CRY2: variants seen among roughly 807,000 people sequenced by gnomAD.
CRY2 encodes the protein cryptochrome circadian regulator 2, also known as cryptochrome-2.
Under a neutral mutation model 69.5 loss-of-function variants are expected in CRY2, and 31 were observed. The ratio of observed to expected loss-of-function variants is 0.45; its 90% CI spans 0.34 to 0.60. CRY2 has a LOEUF of 0.60. Ranked by LOEUF, CRY2 falls within the 20% of genes least tolerant of loss-of-function variation. The probability of loss-of-function intolerance (pLI) is 0.02; values close to 1 mark genes in which losing one functional copy is unlikely to be tolerated. For missense variants in CRY2, 606 were observed against 797.8 expected, an observed-to-expected ratio of 0.76 and a Z score of 2.90; for synonymous variants, 303 against 312.2, an observed-to-expected ratio of 0.97 and a Z score of 0.31.
At chr11:45,858,559 C>G (rs1401417) in intron 2 of CRY2, among the ~76,000 whole-genome samples, 172 bp from the exon 3 acceptor site, 29,374 of 152,246 alleles carry the variant, frequency 0.19, 3,126 homozygotes, top group Non-Finnish European at 0.24. Flanking sequence ...CTCAAACTTT[C>G]TGAACCTCAG....
At chr11:45,861,998 C>A in intron 4 of CRY2, 62 bp from the exon 5 acceptor site, 1 of 1,378,584 alleles carries the variant, frequency 7.3e-7, no homozygotes, top group Non-Finnish European at 1.0e-6. Flanking sequence ...AACAGAACAG[C>A]CGTGCCGGGC....
In CRY2 at chr11:45,869,801, G is replaced by A; in HGVS notation, c.1178G>A (p.Trp393Ter). 6.2e-7 allele frequency: 1 copy of A among 1,608,218 alleles called. No homozygotes were observed. The highest frequency in any genetic ancestry group is 8.5e-7 in the Non-Finnish European group (1 of 1,175,776). The change falls in exon 7 of 12, where the codon TGG becomes TAG. Residue 393 changes from tryptophan (W) to a stop codon, truncating the protein, a stop_gained. Transcript: ENST00000616080. LOFTEE classifies it high-confidence loss of function. The stretch of plus-strand genomic sequence containing the variant: ...ACCCGCGGGGACCTCTGGGTCAGCT[G>A]GGAGAGCGGGGTCCGGGTGAGTGCT... The part of the protein sequence containing the change: ...FLTRGDLWVS[W>*]ESGVRVFDEL...
At chr11:45,859,714 G>T (rs1225036748) in intron 3 of CRY2, among the ~76,000 whole-genome samples, 1 of 152,110 alleles carries the variant, frequency 6.6e-6, no homozygotes, top group Non-Finnish European at 1.5e-5. Context: ...TGCTTTCAGA[G>T]ATTCTAGGAG....
rs2086366264 is a variant in CRY2 at position 45,870,195 on chromosome 11, A to T, written c.1337A>T (p.Asp446Val). The T allele has an allele frequency of 6.2e-7, 1 of 1,612,362 alleles. No homozygotes were observed. Among genetic ancestry groups the T allele is most frequent in the African/African-American group, 1.3e-5 (1 of 74,910 alleles). Reference sequence around the variant, plus strand: ...GGCCGTCGCACGGACCCCAGTGGGGACTACATCAGGTGAGGATACAGACCA... The same window carrying T: ...GGCCGTCGCACGGACCCCAGTGGGGTCTACATCAGGTGAGGATACAGACCA... ...GFGRRTDPSGDYIRRYLPKLK... is the reference protein window; with the variant it reads ...GFGRRTDPSGVYIRRYLPKLK... Residue 446 changes from aspartate to valine, a missense_variant, in exon 8 of 12, where the codon GAC becomes GTC. Transcript: ENST00000616080.
Position 45,870,870 on chromosome 11 carries a change from G to T in CRY2, c.1578G>T (p.Val526=). ...TACTGGCATCTGTCCCTTCCTGTGT[G>T]GAAGACCTCAGTCACCCTGTGGCAG... is the stretch of plus-strand genomic sequence containing the variant. The part of the protein sequence containing the change: ...LCLLASVPSC[V]EDLSHPVAEP... The change falls in exon 10 of 12, where the codon GTG becomes GTT. Residue 526 remains valine, a synonymous_variant. Coordinates refer to ENST00000616080, the MANE Select transcript of CRY2 (RefSeq NM_021117.5). 6.2e-7 allele frequency: 1 copy of T among 1,613,588 alleles called. No homozygotes were observed.
At chr11:45,878,241 C>T (rs1220546994) in intron 11 of CRY2, among the ~76,000 whole-genome samples, 1 of 152,162 alleles carries the variant, frequency 6.6e-6, no homozygotes. Flanking sequence ...ATGGACTGCA[C>T]CAAAGCCTAT....
At chr11:45,872,003 C>T (rs2134646950) in intron 10 of CRY2, 89 bp from the exon 11 acceptor site, 4 of 1,534,128 alleles carry the variant, frequency 2.6e-6, no homozygotes, top group East Asian at 2.3e-5. Context: ...AGTGTGCTCC[C>T]TGTCCCCTAA....
intron 5 of CRY2, among the ~76,000 whole-genome samples, chr11:45,865,532 C>G (rs2086324243): frequency 6.6e-6 from 1 of 152,166 alleles, no homozygotes; most frequent in Non-Finnish European, 1.5e-5. Context: ...ACAGGGGTTA[C>G]CTGCAGAGGA....
In CRY2 at chr11:45,847,508, G is replaced by T; in HGVS notation, c.18G>T (p.Ala6=). Residue 6 remains alanine, a synonymous_variant, in exon 1 of 12, where the codon GCG becomes GCT. Coordinates refer to ENST00000616080, the MANE Select transcript of CRY2 (RefSeq NM_021117.5). ...GGACAGTCATGGCGGCGACTGTGGC[G>T]ACGGCGGCAGCTGTGGCCCCGGCGC... is the stretch of plus-strand genomic sequence containing the variant. MAATV[A]TAAAVAPAPA... The T allele has an allele frequency of 6.3e-7, 1 of 1,592,868 alleles. No homozygotes were observed. The highest frequency in any genetic ancestry group is 8.5e-7 in the Non-Finnish European group (1 of 1,174,244).
At chr11:45,871,609 G>A (rs559617914) in intron 10 of CRY2, among the ~76,000 whole-genome samples, 3 of 152,314 alleles carry the variant, frequency 2.0e-5, no homozygotes, top group South Asian at 2.1e-4. Context: ...GAGAAAGACT[G>A]GACAGATTCG....
At chr11:45,859,832 C>G (rs1414076407) in intron 3 of CRY2, among the ~76,000 whole-genome samples, 5 of 151,930 alleles carry the variant, frequency 3.3e-5, no homozygotes, top group African/African-American at 7.2e-5. Context: ...CTCCCCACCC[C>G]CACTTCCCAA....
At chr11:45,854,646 G>A (rs1176101010) in intron 1 of CRY2, among the ~76,000 whole-genome samples, 2 of 152,092 alleles carry the variant, frequency 1.3e-5, no homozygotes, top group Non-Finnish European at 2.9e-5. Context: ...CCGAGATTAC[G>A]CCACTGCACT....
chr11:45,851,685 A>G (rs1447601976), intron 1 of CRY2, among the ~76,000 whole-genome samples: 1 of 152,248 alleles, frequency 6.6e-6, no homozygotes. Flanking sequence ...ATTTCTAAAT[A>G]TCACTCAGAT....
rs1345417482 is a variant in CRY2, at chr11:45,882,876, T to A, written c.*1965T>A. 1 of 396,532 alleles carries A rather than the reference T, an allele frequency of 2.5e-6. No homozygotes were observed. Among genetic ancestry groups the A allele is most frequent in the Non-Finnish European group, 4.4e-6 (1 of 225,380 alleles). The allele number at this position is 396,532 out of a possible 1,614,324, so 24.6% of individuals were successfully genotyped here. On this transcript the variant is annotated 3_prime_UTR_variant, in exon 12 of 12. Transcript: ENST00000616080. Reference sequence around the variant, plus strand: ...CTGCTGCTGGCTCTCTTCCCTAAGGTACAGGTTGGCAGGACCACCTCCGCC... The same window carrying A: ...CTGCTGCTGGCTCTCTTCCCTAAGGAACAGGTTGGCAGGACCACCTCCGCC...
intron 11 of CRY2, among the ~76,000 whole-genome samples, chr11:45,873,854 G>A (rs1158808398): frequency 6.6e-6 from 1 of 152,206 alleles, no homozygotes; most frequent in Non-Finnish European, 1.5e-5. Flanking sequence ...AAAGTGAATT[G>A]GATTCAGGCA....
At chr11:45,867,978 T>C in intron 6 of CRY2, 1 of 557,172 alleles carries the variant, frequency 1.8e-6, no homozygotes, top group Non-Finnish European at 3.1e-6. Context: ...CAGACCATCA[T>C]GTAGAGCAGA....
chr11:45,862,196 C>T, intron 5 of CRY2, 48 bp downstream of exon 5: 1 of 1,555,534 alleles, frequency 6.4e-7, no homozygotes, highest in Non-Finnish European at 8.8e-7. Context: ...GATATCCACA[C>T]AGCAGGAGAT....
At chr11:45,852,870 G>A (rs2086208113) in intron 1 of CRY2, among the ~76,000 whole-genome samples, 1 of 152,228 alleles carries the variant, frequency 6.6e-6, no homozygotes, top group Non-Finnish European at 1.5e-5. Flanking sequence ...TAGAGCCTGA[G>A]ATTCTGCATT....
intron 6 of CRY2, among the ~76,000 whole-genome samples, chr11:45,869,242 GCAGAGTC>G (rs1195876881): frequency 6.6e-6 from 1 of 152,218 alleles, no homozygotes; most frequent in African/African-American, 2.4e-5. Context: ...GAATCCTAGT[GCAGAGTC>G]CTGTGGTGAG....
Sources: allele counts gnomAD v4.1 joint callset (sites outside exome capture counted in the v4.1 genomes callset), GRCh38; gene constraint gnomAD v4.1.1; transcripts MANE v1.5; gene names NCBI Gene and HGNC (gene_info 2026-07-23, HGNC 2026-07-21).